Variants in LARGE1 observed in about 807,000 individuals in gnomAD.
LARGE1 encodes LARGE xylosyl- and glucuronyltransferase 1, also known as xylosyl- and glucuronyltransferase LARGE1.
LARGE1 carries 43 observed loss-of-function variants against 87.6 expected under a neutral mutation model. That is an observed-to-expected ratio of 0.49 (90% confidence interval 0.38 to 0.63). The LOEUF (loss-of-function observed/expected upper bound fraction) is 0.63, where lower values mean the gene tolerates loss of function less well. Ranked by LOEUF, LARGE1 falls within the 30% of genes least tolerant of loss-of-function variation. LARGE1 has a pLI of 0.00. For missense variants in LARGE1, 802 were observed against 1,000.2 expected (o/e 0.80, Z 2.67); for synonymous variants, 434 against 394.6 (o/e 1.10, Z -1.18).
intron 6 of LARGE1, among the ~76,000 whole-genome samples, chr22:33,512,255 T>C (rs2071090314): frequency 1.3e-5 from 2 of 151,972 alleles, no homozygotes. Flanking sequence ...GGGAATGTTG[T>C]ATGCCAAAGA....
chr22:33,198,147 TGG>T (rs916794713), intron 11 of LARGE1, among the ~76,000 whole-genome samples: 5 of 151,878 alleles, frequency 3.3e-5, no homozygotes, highest in Non-Finnish European at 7.4e-5. Flanking sequence ...GTGTGGTGGG[TGG>T]GGGGAACAGG....
At chr22:33,896,907 C>T (rs1011003324) in intron 1 of LARGE1, among the ~76,000 whole-genome samples, 7 of 152,194 alleles carry the variant, frequency 4.6e-5, no homozygotes, top group African/African-American at 7.2e-5. Flanking sequence ...ACAGAACCTT[C>T]CCCGCCGACC....
the LARGE1 span, among the ~76,000 whole-genome samples, chr22:33,113,744 C>T: frequency 6.6e-6 from 1 of 152,224 alleles, no homozygotes; most frequent in Non-Finnish European, 1.5e-5. Flanking sequence ...TCCCAGTAGA[C>T]TGAAGTGTGC....
At chr22:33,237,083 T>C in intron 11 of LARGE1, among the ~76,000 whole-genome samples, 2 of 152,210 alleles carry the variant, frequency 1.3e-5, no homozygotes, top group African/African-American at 4.8e-5. Flanking sequence ...ATCCTTCCAC[T>C]ATATCCCTCT....
At chr22:33,557,778 G>A (rs1012393360) in intron 6 of LARGE1, among the ~76,000 whole-genome samples, 3 of 152,112 alleles carry the variant, frequency 2.0e-5, no homozygotes, top group African/African-American at 7.2e-5. Flanking sequence ...TGTTTGCCAG[G>A]CTGGTCTTCA....
intron 7 of LARGE1, among the ~76,000 whole-genome samples, chr22:33,424,793 G>C (rs1331720957): frequency 2.6e-5 from 4 of 152,064 alleles, no homozygotes; most frequent in Non-Finnish European, 5.9e-5. Flanking sequence ...GCAGCGAGCT[G>C]TGTCTGCGCC....
intron 1 of LARGE1, among the ~76,000 whole-genome samples, chr22:33,855,227 G>A (rs1240993149): frequency 6.6e-6 from 1 of 152,106 alleles, no homozygotes; most frequent in East Asian, 1.9e-4. Flanking sequence ...CCAGCTACTC[G>A]GGAGGCTGAG....
chr22:33,185,732 C>T (rs1029992811), intron 11 of LARGE1, among the ~76,000 whole-genome samples: 1 of 152,038 alleles, frequency 6.6e-6, no homozygotes, highest in African/African-American at 2.4e-5. Flanking sequence ...AGTTTACTTA[C>T]AAAAATTAAT....
At chr22:33,349,120 T>C (rs1017901737) in intron 9 of LARGE1, among the ~76,000 whole-genome samples, 19 of 152,254 alleles carry the variant, frequency 1.2e-4, no homozygotes, top group African/African-American at 4.6e-4. Flanking sequence ...TATTTCTTCA[T>C]AGAAGTATGA....
At chr22:33,385,361 T>G (rs545030912) in intron 7 of LARGE1, among the ~76,000 whole-genome samples, 1 of 146,536 alleles carries the variant, frequency 6.8e-6, no homozygotes, top group Admixed American at 6.8e-5. Flanking sequence ...AAACCCCATC[T>G]CTACTAAAAA....
intron 5 of LARGE1, among the ~76,000 whole-genome samples, chr22:33,592,160 T>C (rs961134242): frequency 6.6e-6 from 1 of 151,882 alleles, no homozygotes; most frequent in Non-Finnish European, 1.5e-5. Context: ...GAAGTCCCTA[T>C]AATTTTCTTT....
intron 10 of LARGE1, 43 bp downstream of exon 10, chr22:33,337,602 CA>C (rs1397655644): frequency 6.2e-7 from 1 of 1,611,208 alleles, no homozygotes; most frequent in African/African-American, 1.3e-5. Flanking sequence ...GATGGATGAG[CA>C]GAGAAGCCGC....
intron 9 of LARGE1, among the ~76,000 whole-genome samples, chr22:33,352,475 C>T (rs1940481568): frequency 6.6e-6 from 1 of 152,030 alleles, no homozygotes; most frequent in Admixed American, 6.6e-5. Context: ...AGATGCTGGC[C>T]AGGCATGGTG....
chr22:33,398,089 G>A (rs757304231), intron 7 of LARGE1, among the ~76,000 whole-genome samples: 5 of 152,118 alleles, frequency 3.3e-5, no homozygotes, highest in Middle Eastern at 3.4e-3. Context: ...GGAAATGAGC[G>A]AATTTCTGGC....
At chr22:33,709,341 C>A (rs574336294) in intron 2 of LARGE1, among the ~76,000 whole-genome samples, 1 of 152,258 alleles carries the variant, frequency 6.6e-6, no homozygotes, top group Non-Finnish European at 1.5e-5. Flanking sequence ...TTGCTGGCGT[C>A]AGGCCCTGTT....
intron 9 of LARGE1, among the ~76,000 whole-genome samples, chr22:33,373,353 C>T (rs564925096): frequency 5.3e-5 from 8 of 152,304 alleles, no homozygotes; most frequent in Admixed American, 3.3e-4. Context: ...ATCTTCTGAA[C>T]TGCAGTTTCT....
chr22:33,143,380 A>G, the LARGE1 span, among the ~76,000 whole-genome samples: 1 of 152,202 alleles, frequency 6.6e-6, no homozygotes, highest in South Asian at 2.1e-4. Context: ...GAAAGAAATC[A>G]ATGTATTAAA....
chr22:33,417,878 T>C (rs2066557152), intron 7 of LARGE1, among the ~76,000 whole-genome samples: 1 of 152,130 alleles, frequency 6.6e-6, no homozygotes, highest in South Asian at 2.1e-4. Flanking sequence ...GCAGGTTGAG[T>C]CCTTCTCCTA....
chr22:33,598,229 G>A (rs548485482), intron 5 of LARGE1, among the ~76,000 whole-genome samples: 12 of 152,176 alleles, frequency 7.9e-5, no homozygotes, highest in African/African-American at 1.4e-4. Context: ...GCCATGTACC[G>A]GTTACATGAT....
Sources: gnomAD v4.1 joint callset for allele counts (sites outside exome capture counted in the v4.1 genomes callset) on GRCh38, gnomAD v4.1.1 for gene constraint, MANE v1.5 for transcripts, NCBI Gene and HGNC (gene_info 2026-07-23, HGNC 2026-07-21) for gene names.